Variants in LYSMD4 observed in about 807,000 individuals in gnomAD.
The protein encoded by LYSMD4 is lysM and putative peptidoglycan-binding domain-containing protein 4.
In LYSMD4, 9 loss-of-function variants were observed where a neutral mutation model predicts 6.1. The observed-to-expected ratio is 1.47, with a 90% CI of 0.88 to 2.56. The LOEUF is 2.56. Ranked by LOEUF, LYSMD4 falls within the 30% of genes most tolerant of loss-of-function variation. LYSMD4 has a pLI of 0.00. For synonymous variants in LYSMD4, 143 were observed against 148.5 expected (o/e 0.96, Z 0.27); for missense variants, 384 against 373.5 (o/e 1.03, Z -0.23).
chr15:99,731,082 G>A, intron 2 of LYSMD4: 1 of 1,208,742 alleles, frequency 8.3e-7, no homozygotes, highest in Non-Finnish European at 1.2e-6. Flanking sequence ...CCTAGAGAAG[G>A]CCATACAAAT....
downstream of LYSMD4, among the ~76,000 whole-genome samples, chr15:99,725,779 T>A (rs765139366): frequency 2.0e-5 from 3 of 152,144 alleles, no homozygotes; most frequent in Non-Finnish European, 2.9e-5. Context: ...CCATGTTCTG[T>A]GAGCCTGGAT....
Position 99,729,383 on chromosome 15 carries a change from C to CAG in LYSMD4, c.630_631insCT (p.Gly211LeufsTer18). ...CACCACTGAATGCCACAATCTGCAC[C>CAG]ATCCATAGGCGTCTTCGGAGGTGCC... On this transcript the variant is annotated frameshift_variant, in exon 3 of 3. Transcript: ENST00000684762. LOFTEE classifies it low-confidence loss of function (END_TRUNC). 6.2e-7 allele frequency: 1 copy of CAG among 1,614,254 alleles called. No homozygotes were observed.
At chr15:99,723,876 C>T (rs1377410116), downstream of LYSMD4, among the ~76,000 whole-genome samples, 3 of 144,290 alleles carry the variant, frequency 2.1e-5, no homozygotes, top group African/African-American at 5.9e-5. Flanking sequence ...CAAGACTTTC[C>T]GTAGCTTCCC....
intron 2 of LYSMD4, among the ~76,000 whole-genome samples, chr15:99,730,140 C>G (rs1258837752): frequency 2.0e-5 from 3 of 152,234 alleles, no homozygotes; most frequent in Non-Finnish European, 2.9e-5. Context: ...TGCCTTCCCC[C>G]TCATGCCAGA....
At chr15:99,731,026 C>T (rs2059395788) in intron 2 of LYSMD4, 2 of 719,732 alleles carry the variant, frequency 2.8e-6, no homozygotes, top group African/African-American at 3.6e-5. Context: ...TTAGATAAGA[C>T]ACTTGTAGGA....
At position 99,728,969 on chromosome 15, in the gene LYSMD4, A is replaced by G; in HGVS notation, c.*154T>C. On this transcript the variant is annotated 3_prime_UTR_variant, in exon 3 of 3. Coordinates refer to ENST00000684762, the MANE Select transcript of LYSMD4 (RefSeq NM_001284417.2). ...GCTTAGACTGGGTAAGGCCATGCCC[A>G]GGGCCAGTGCAATTGGGAATACTGC... The G allele has an allele frequency of 9.4e-7, 1 of 1,059,456 alleles. No homozygotes were observed. The highest frequency in any genetic ancestry group is 1.5e-5 in the South Asian group (1 of 66,874). 65.6% of individuals were successfully genotyped at this position (1,059,456 alleles called of 1,614,324 possible).
At chr15:99,724,002 G>A (rs542661109), downstream of LYSMD4, among the ~76,000 whole-genome samples, 13 of 150,884 alleles carry the variant, frequency 8.6e-5, no homozygotes, top group East Asian at 1.9e-4. Flanking sequence ...TTTCCTTCAC[G>A]CCAGGCCACC....
intron 2 of LYSMD4, among the ~76,000 whole-genome samples, chr15:99,730,833 A>G (rs1248966891): frequency 6.6e-6 from 1 of 152,224 alleles, no homozygotes; most frequent in Non-Finnish European, 1.5e-5. Flanking sequence ...TTTGTAGGAC[A>G]GGCTTCATTT....
chr15:99,731,349 C>G, intron 2 of LYSMD4: 1 of 1,611,142 alleles, frequency 6.2e-7, no homozygotes, highest in Non-Finnish European at 8.5e-7. Flanking sequence ...GCGAGAAAAG[C>G]AAGCATACCA....
At chr15:99,723,443 C>T (rs936692273), downstream of LYSMD4, among the ~76,000 whole-genome samples, 1 of 152,204 alleles carries the variant, frequency 6.6e-6, no homozygotes, top group Non-Finnish European at 1.5e-5. Context: ...GTGGTAACTG[C>T]TTCTTATCTT....
chr15:99,725,139 G>A (rs1038612062), downstream of LYSMD4, among the ~76,000 whole-genome samples: 72 of 119,728 alleles, frequency 6.0e-4, no homozygotes, highest in Non-Finnish European at 1.2e-3. Flanking sequence ...CTTTCCTGAC[G>A]GTCTCTGTTA....
Position 99,729,058 on chromosome 15 carries a change from C to T in LYSMD4, c.*65G>A. The T allele has an allele frequency of 1.3e-6, 2 of 1,587,284 alleles. No homozygotes were observed. Among genetic ancestry groups the T allele is most frequent in the Middle Eastern group, 1.7e-4 (1 of 5,750 alleles). On this transcript the variant is annotated 3_prime_UTR_variant, in exon 3 of 3. Transcript: ENST00000684762. Reference sequence around the variant, plus strand: ...AAATGCAGCACCCCTAGGACATCGCCAGTGACAGCTGAGGCACATCAACAG... The same window carrying T: ...AAATGCAGCACCCCTAGGACATCGCTAGTGACAGCTGAGGCACATCAACAG...
Position 99,729,481 on chromosome 15 carries a change from T to C in LYSMD4, c.533A>G (p.Glu178Gly). The part of the protein sequence containing the change: ...GFFKGIDQDI[E>G]RAVQSEIFLH... The stretch of plus-strand genomic sequence containing the variant: ...AAAGATTTCTGACTGCACTGCACGC[T>C]CAATATCCTGGTCAATCCCCTTAAA... The change falls in exon 3 of 3, where the codon GAG (glutamate) becomes GGG (glycine). Residue 178 changes from glutamate (E) to glycine (G), a missense_variant. Coordinates refer to ENST00000684762, the MANE Select transcript of LYSMD4 (RefSeq NM_001284417.2). 1 of 1,614,110 alleles carries C rather than the reference T, an allele frequency of 6.2e-7. No homozygotes were observed. The highest frequency in any genetic ancestry group is 8.5e-7 in the Non-Finnish European group (1 of 1,180,028).
chr15:99,726,377 C>G (rs1173778800), downstream of LYSMD4, among the ~76,000 whole-genome samples: 1 of 152,042 alleles, frequency 6.6e-6, no homozygotes, highest in Non-Finnish European at 1.5e-5. Flanking sequence ...CTCCTAACCT[C>G]AAGTGATCCA....
chr15:99,731,148 A>G (rs746315943), intron 2 of LYSMD4: 2 of 1,606,732 alleles, frequency 1.2e-6, no homozygotes, highest in Non-Finnish European at 1.7e-6. Flanking sequence ...AAATGCAGCA[A>G]TTCTAGAAAT....
At chr15:99,722,732 C>T (rs1182724767), downstream of LYSMD4, among the ~76,000 whole-genome samples, 1 of 152,084 alleles carries the variant, frequency 6.6e-6, no homozygotes, top group African/African-American at 2.4e-5. Flanking sequence ...ATTAAAAAGA[C>T]CTGTAGTAAA....
At chr15:99,722,640 C>G (rs1446729825), downstream of LYSMD4, among the ~76,000 whole-genome samples, 1 of 152,160 alleles carries the variant, frequency 6.6e-6, no homozygotes, top group Middle Eastern at 3.2e-3. Context: ...ACAGCTATTA[C>G]AAATATCCTC....
Position 99,728,951 on chromosome 15 carries a change from C to T in LYSMD4, c.*172G>A, listed in dbSNP as rs1302006074. 7 of 885,986 alleles carry T rather than the reference C, an allele frequency of 7.9e-6. No homozygotes were observed. The East Asian group carries it at 1.5e-4, about 19-fold the overall frequency. 54.9% of individuals were successfully genotyped at this position (885,986 alleles called of 1,614,324 possible). A position where few individuals can be genotyped will look rare whatever the true frequency, so the allele number is the denominator to read the frequency against. On this transcript the variant is annotated 3_prime_UTR_variant, in exon 3 of 3. Transcript: ENST00000684762. ...CTGTTTTAGATCCTGCCAGCTTAGA[C>T]TGGGTAAGGCCATGCCCAGGGCCAG...
At chr15:99,723,313 GC>G (rs2059251893), downstream of LYSMD4, among the ~76,000 whole-genome samples, 1 of 152,140 alleles carries the variant, frequency 6.6e-6, no homozygotes. Context: ...CCACACCGAG[GC>G]CCCTCAGAAT....
Sources: gnomAD v4.1 joint callset for allele counts (sites outside exome capture counted in the v4.1 genomes callset) on GRCh38, gnomAD v4.1.1 for gene constraint, MANE v1.5 for transcripts, NCBI Gene and HGNC (gene_info 2026-07-23, HGNC 2026-07-21) for gene names.